Variants in ENTPD1 observed in about 807,000 individuals in gnomAD.
ENTPD1 encodes the protein ectonucleoside triphosphate diphosphohydrolase 1.
In ENTPD1, 33 loss-of-function variants were observed where a neutral mutation model predicts 57.0. The ratio of observed to expected loss-of-function variants is 0.58; its 90% CI spans 0.44 to 0.77. The LOEUF (loss-of-function observed/expected upper bound fraction) is 0.77. Ranked by LOEUF, ENTPD1 falls within the 30% of genes least tolerant of loss-of-function variation. The pLI is 0.00. For synonymous variants in ENTPD1, 202 were observed against 218.8 expected, an observed-to-expected ratio of 0.92 and a Z score of 0.68; for missense variants, 501 against 603.4, an observed-to-expected ratio of 0.83 and a Z score of 1.78.
chr10:95,815,097 AT>A (rs779904950), intron 1 of ENTPD1, among the ~76,000 whole-genome samples: 2 of 152,204 alleles, frequency 1.3e-5, no homozygotes, highest in South Asian at 4.1e-4. Flanking sequence ...AAACTGCTTT[AT>A]CCTTGAATGT....
intron 1 of ENTPD1, among the ~76,000 whole-genome samples, chr10:95,718,423 CCCTTCTATTTCCCTTT>C (rs1481160176): frequency 1.3e-5 from 2 of 151,882 alleles, no homozygotes; most frequent in African/African-American, 4.8e-5. Context: ...CTTGGTGGTT[CCCTTCTATTTCCCTTT>C]CCTTTCCTTT....
At chr10:95,709,514 C>T (rs905465800), upstream of ENTPD1, among the ~76,000 whole-genome samples, 2 of 152,002 alleles carry the variant, frequency 1.3e-5, no homozygotes, top group Non-Finnish European at 2.9e-5. Flanking sequence ...CTCCCGAGTA[C>T]CTGGGATTAC....
chr10:95,758,166 C>G (rs1446861247), intron 1 of ENTPD1, among the ~76,000 whole-genome samples: 1 of 152,088 alleles, frequency 6.6e-6, no homozygotes, highest in Non-Finnish European at 1.5e-5. Context: ...AAAGGAACTG[C>G]ATCTTTCCTC....
intron 1 of ENTPD1, among the ~76,000 whole-genome samples, chr10:95,741,533 T>C (rs1490241275): frequency 6.6e-6 from 1 of 152,236 alleles, no homozygotes; most frequent in Non-Finnish European, 1.5e-5. Context: ...ATAATGGCAC[T>C]GATAGACTTG....
rs572162931 is a variant in ENTPD1, at chr10:95,756,195, G to T, written c.-45G>T. The T allele has an allele frequency of 4.5e-5, 71 of 1,580,604 alleles. No individual in the cohort carries two copies. The highest frequency in any genetic ancestry group is 9.3e-5 in the East Asian group (4 of 42,798). ...CGGACCACAGCAAGCAGAGGCTGGG[G>T]GGGGGAAAGACGAGGAAAGAGGAGG... On this transcript the variant is annotated 5_prime_UTR_variant, in exon 1 of 10. Transcript: ENST00000371205.
intron 3 of ENTPD1, 131 bp downstream of exon 3, chr10:95,839,939 G>A (rs2098419085): frequency 1.2e-6 from 1 of 852,758 alleles, no homozygotes. Flanking sequence ...CAGTGCAGCT[G>A]CTGTTGTTAT....
Sources: gnomAD v4.1 joint callset for allele counts (sites outside exome capture counted in the v4.1 genomes callset) on GRCh38, gnomAD v4.1.1 for gene constraint, MANE v1.5 for transcripts, NCBI Gene and HGNC (gene_info 2026-07-23, HGNC 2026-07-21) for gene names.